Variants in ATF7 observed in about 807,000 individuals in gnomAD.
ATF7 encodes activating transcription factor 7.
A neutral mutation model predicts 50.4 loss-of-function variants in ATF7; 10 were observed. The ratio of observed to expected loss-of-function variants is 0.20; its 90% CI spans 0.12 to 0.34. The LOEUF is 0.34. Among genes scored for constraint, ATF7 ranks in the 10% least tolerant of loss-of-function variants. ATF7 has a pLI of 1.00. For missense variants in ATF7, 465 were observed against 613.9 expected, an observed-to-expected ratio of 0.76 and a Z score of 2.56; for synonymous variants, 201 against 226.4, an observed-to-expected ratio of 0.89 and a Z score of 1.01.
chr12:53,509,402 G>A (rs1944087056), downstream of ATF7, among the ~76,000 whole-genome samples: 1 of 151,826 alleles, frequency 6.6e-6, no homozygotes, highest in African/African-American at 2.4e-5. Flanking sequence ...TTCTACTCGG[G>A]GTCTTAGTTT....
intron 2 of ATF7, among the ~76,000 whole-genome samples, chr12:53,554,480 C>T (rs1397609574): frequency 2.0e-5 from 3 of 152,024 alleles, no homozygotes; most frequent in African/African-American, 7.2e-5. Context: ...CCTGTAGTTC[C>T]AGCTACTCAG....
chr12:53,519,430 G>A (rs531254998), intron 11 of ATF7, among the ~76,000 whole-genome samples: 22 of 152,088 alleles, frequency 1.4e-4, no homozygotes, highest in East Asian at 1.9e-4. Flanking sequence ...GGCCGGGTGC[G>A]GTGGCTCACA....
chr12:53,614,110 C>T (rs1944010314), intron 1 of ATF7, among the ~76,000 whole-genome samples: 1 of 152,068 alleles, frequency 6.6e-6, no homozygotes, highest in Non-Finnish European at 1.5e-5. Flanking sequence ...TAGGAACCTA[C>T]CTGGAAGCAG....
rs759923052 is a variant in ATF7, at chr12:53,517,235, A to G, written c.1354T>C (p.Ser452Pro). ...VRSAAEAVAT[S>P]VLTQMASQRT... is the part of the protein sequence containing the mutation. The stretch of plus-strand genomic sequence containing the variant: ...TGGCTGGCCATCTGAGTGAGGACCG[A>G]GGTGGCCACAGCTTCAGCTGCAGAG... The change falls in exon 12 of 12, where the codon TCG becomes CCG. Residue 452 changes from serine (S) to proline (P), a missense_variant. Ser to Pro is a moderately conservative substitution (Grantham distance 74, BLOSUM62 -1). Transcript: ENST00000420353. The G allele has an allele frequency of 4.0e-5, 65 of 1,613,962 alleles. No individual in the cohort carries two copies. The highest frequency in any genetic ancestry group is 5.5e-5 in the Non-Finnish European group (65 of 1,179,888).
intron 2 of ATF7, among the ~76,000 whole-genome samples, chr12:53,586,390 G>C (rs888775634): frequency 6.8e-6 from 1 of 146,868 alleles, no homozygotes; most frequent in Non-Finnish European, 1.5e-5. Flanking sequence ...AAAAATTAAT[G>C]TGCATAGATT....
chr12:53,616,365 G>A (rs1944117742), intron 1 of ATF7, among the ~76,000 whole-genome samples: 1 of 151,940 alleles, frequency 6.6e-6, no homozygotes, highest in Admixed American at 6.6e-5. Flanking sequence ...TAGGACTAAA[G>A]GCGTGCACCA....
At chr12:53,549,806 G>A (rs947090465) in intron 3 of ATF7, among the ~76,000 whole-genome samples, 2 of 151,946 alleles carry the variant, frequency 1.3e-5, no homozygotes, top group East Asian at 2.0e-4. Context: ...GGCTTGTCTC[G>A]AACTCCTGAT....
chr12:53,521,807 G>A (rs1938144309), intron 11 of ATF7, among the ~76,000 whole-genome samples: 1 of 152,064 alleles, frequency 6.6e-6, no homozygotes, highest in African/African-American at 2.4e-5. Context: ...AACAGTGACT[G>A]GCACAGAATA....
chr12:53,615,636 A>G (rs2684329), intron 1 of ATF7, among the ~76,000 whole-genome samples: 1 of 152,142 alleles, frequency 6.6e-6, no homozygotes, highest in East Asian at 1.9e-4. Context: ...CATTTTGGGA[A>G]GCTGAGGCAG....
At chr12:53,626,056 C>T (rs59701972) in intron 1 of ATF7, 10,257 of 152,360 alleles carry the variant, frequency 0.067, 1,131 homozygotes, top group African/African-American at 0.23. Flanking sequence ...AAAGCGATCT[C>T]CCATTAGCGC....
intron 11 of ATF7, among the ~76,000 whole-genome samples, chr12:53,521,160 T>A (rs974056378): frequency 2.0e-5 from 3 of 152,106 alleles, no homozygotes; most frequent in African/African-American, 7.2e-5. Flanking sequence ...GCCCAGCTAA[T>A]TTTTTGTATT....
At chr12:53,608,400 T>C (rs1000938930) in intron 1 of ATF7, among the ~76,000 whole-genome samples, 1 of 152,122 alleles carries the variant, frequency 6.6e-6, no homozygotes, top group African/African-American at 2.4e-5. Flanking sequence ...TCTAAAGTTA[T>C]AAACCGTTTC....
intron 11 of ATF7, among the ~76,000 whole-genome samples, chr12:53,520,572 C>T (rs1192322584): frequency 1.3e-5 from 2 of 152,078 alleles, no homozygotes; most frequent in Non-Finnish European, 2.9e-5. Flanking sequence ...TATATGCTGC[C>T]GACTCCCAGA....
intron 8 of ATF7, among the ~76,000 whole-genome samples, chr12:53,532,139 AAT>A (rs1183516588): frequency 5.3e-5 from 8 of 152,098 alleles, no homozygotes; most frequent in Non-Finnish European, 8.8e-5. Flanking sequence ...TTGTTAAAGC[AAT>A]AGTGTCCAGA....
At chr12:53,511,745 C>T (rs142828014), downstream of ATF7, among the ~76,000 whole-genome samples, 9 of 152,194 alleles carry the variant, frequency 5.9e-5, no homozygotes, top group South Asian at 2.1e-4. Flanking sequence ...CTCTCCCACC[C>T]GCCATCCACA....
intron 1 of ATF7, among the ~76,000 whole-genome samples, chr12:53,618,908 C>T (rs1387275525): frequency 2.6e-5 from 4 of 151,744 alleles, no homozygotes; most frequent in African/African-American, 4.8e-5. Context: ...AAAAGTTAGC[C>T]GGGCGCAGTG....
intron 4 of ATF7, 165 bp downstream of exon 4, chr12:53,543,165 T>C: frequency 6.6e-7 from 1 of 1,519,270 alleles, no homozygotes; most frequent in Non-Finnish European, 8.8e-7. Context: ...CCTAAAGACC[T>C]GAATGGCTGA....
At chr12:53,547,475 A>G (rs10876464) in intron 3 of ATF7, among the ~76,000 whole-genome samples, 72,459 of 150,626 alleles carry the variant, frequency 0.48, 17,518 homozygotes, top group East Asian at 0.74. Context: ...TAGTAGAGAC[A>G]GGGATTCATC....
chr12:53,526,723 C>A (rs966846499), intron 9 of ATF7, among the ~76,000 whole-genome samples: 2 of 149,978 alleles, frequency 1.3e-5, no homozygotes, highest in Admixed American at 1.3e-4. Context: ...TGGTGGCAGG[C>A]GCCTGTAATC....
Sources: gnomAD v4.1 joint callset for allele counts (sites outside exome capture counted in the v4.1 genomes callset) on GRCh38, gnomAD v4.1.1 for gene constraint, MANE v1.5 for transcripts, NCBI Gene and HGNC (gene_info 2026-07-23, HGNC 2026-07-21) for gene names.